The following NTM variants were observed in gnomAD, a reference collection of about 807,000 sequenced individuals.
NTM encodes the protein IgLON family member 2.
Under a neutral mutation model 42.1 loss-of-function variants are expected in NTM, and 13 were observed. That is an observed-to-expected ratio of 0.31 (90% CI 0.20 to 0.49). The LOEUF (loss-of-function observed/expected upper bound fraction) is 0.49. NTM is among the 20% of genes least tolerant of loss of function. NTM has a pLI of 0.99. For missense variants in NTM, 373 were observed against 452.8 expected (o/e 0.82, Z 1.60); for synonymous variants, 187 against 179.2 (o/e 1.04, Z -0.35).
chr11:131,989,782 A>G (rs2066707009), intron 2 of NTM, among the ~76,000 whole-genome samples: 1 of 152,066 alleles, frequency 6.6e-6, no homozygotes, highest in African/African-American at 2.4e-5. Context: ...GGACCAAAGC[A>G]TATAGGAATA....
chr11:131,765,443 A>G (rs2084945642), intron 1 of NTM, among the ~76,000 whole-genome samples: 1 of 152,092 alleles, frequency 6.6e-6, no homozygotes, highest in African/African-American at 2.4e-5. Context: ...TCTTCCTGGA[A>G]ATCTTTCTAT....
At chr11:131,408,211 G>A (rs895283717) in intron 1 of NTM, among the ~76,000 whole-genome samples, 3 of 152,094 alleles carry the variant, frequency 2.0e-5, no homozygotes, top group African/African-American at 4.8e-5. Flanking sequence ...CACCCTCCCC[G>A]GCCAAAAGAG....
intron 1 of NTM, among the ~76,000 whole-genome samples, chr11:131,826,374 C>T (rs2042126500): frequency 6.6e-6 from 1 of 151,638 alleles, no homozygotes; most frequent in African/African-American, 2.4e-5. Flanking sequence ...TGCCATGAGT[C>T]CCAGAAAAGC....
chr11:132,010,628 T>C (rs978848885), intron 2 of NTM, among the ~76,000 whole-genome samples: 2 of 151,518 alleles, frequency 1.3e-5, no homozygotes, highest in Non-Finnish European at 2.9e-5. Context: ...TTTTTTTTTT[T>C]CCTCCATTCT....
intron 1 of NTM, among the ~76,000 whole-genome samples, chr11:131,883,098 C>T (rs2049812131): frequency 6.6e-6 from 1 of 152,054 alleles, no homozygotes; most frequent in East Asian, 1.9e-4. Context: ...AGCCTCACAC[C>T]CAGAATATGA....
intron 2 of NTM, among the ~76,000 whole-genome samples, chr11:132,124,253 C>T (rs2136967846): frequency 6.6e-6 from 1 of 152,242 alleles, no homozygotes; most frequent in South Asian, 2.1e-4. Flanking sequence ...TCTCCTGTCT[C>T]CATCCCTTCC....
At chr11:132,330,581 C>G (rs1043802598) in intron 8 of NTM, among the ~76,000 whole-genome samples, 8 of 152,162 alleles carry the variant, frequency 5.3e-5, no homozygotes, top group African/African-American at 1.9e-4. Flanking sequence ...ATCTCTCTAA[C>G]TTGGAGCTGG....
At chr11:131,553,448 G>A (rs982602202) in intron 1 of NTM, among the ~76,000 whole-genome samples, 2 of 152,172 alleles carry the variant, frequency 1.3e-5, no homozygotes, top group Non-Finnish European at 2.9e-5. Flanking sequence ...CTGCATGTCT[G>A]TTCCTTCTCT....
intron 1 of NTM, among the ~76,000 whole-genome samples, chr11:131,692,617 G>A (rs938043598): frequency 6.6e-6 from 1 of 152,246 alleles, no homozygotes; most frequent in Non-Finnish European, 1.5e-5. Context: ...TGGCATCTGG[G>A]CCAAGAAATG....
intron 1 of NTM, among the ~76,000 whole-genome samples, chr11:131,436,362 C>T (rs1949134365): frequency 6.6e-6 from 1 of 152,098 alleles, no homozygotes; most frequent in Admixed American, 6.6e-5. Flanking sequence ...GGAATGGTAC[C>T]AGCTCCTTTT....
intron 1 of NTM, among the ~76,000 whole-genome samples, chr11:131,683,162 G>A (rs2134873354): frequency 6.6e-6 from 1 of 152,264 alleles, no homozygotes; most frequent in East Asian, 1.9e-4. Context: ...CCAACCAGAA[G>A]GTCTGCATGC....
At chr11:132,151,242 G>A (rs1258362571) in intron 3 of NTM, among the ~76,000 whole-genome samples, 1 of 152,194 alleles carries the variant, frequency 6.6e-6, no homozygotes, top group Non-Finnish European at 1.5e-5. Flanking sequence ...AAAACAGAGT[G>A]GATAAAACAT....
intron 1 of NTM, among the ~76,000 whole-genome samples, chr11:131,654,684 G>A (rs2066953041): frequency 6.6e-6 from 1 of 152,024 alleles, no homozygotes; most frequent in Admixed American, 6.5e-5. Context: ...GGCTCTGTTA[G>A]TTCGCCTGAG....
chr11:132,209,967 C>A (rs1206179522), intron 3 of NTM, among the ~76,000 whole-genome samples: 2 of 152,178 alleles, frequency 1.3e-5, no homozygotes, highest in Admixed American at 1.3e-4. Flanking sequence ...TCTTTATAAA[C>A]TCCCTTTTCA....
At chr11:131,658,199 T>G (rs1000110264) in intron 1 of NTM, among the ~76,000 whole-genome samples, 1 of 152,132 alleles carries the variant, frequency 6.6e-6, no homozygotes. Context: ...ACACAGAAAA[T>G]GCAGTCATCT....
At chr11:131,861,968 C>T (rs1022635609) in intron 1 of NTM, among the ~76,000 whole-genome samples, 1 of 152,164 alleles carries the variant, frequency 6.6e-6, no homozygotes, top group Admixed American at 6.5e-5. Context: ...TGTTAAACCC[C>T]AGGGGAGGCA....
chr11:132,330,515 A>G (rs2095782929), intron 8 of NTM, among the ~76,000 whole-genome samples: 1 of 152,168 alleles, frequency 6.6e-6, no homozygotes, highest in South Asian at 2.1e-4. Context: ...GCTCTAATGC[A>G]GCGATCTTCT....
At chr11:132,113,205 G>T (rs1169584076) in intron 2 of NTM, among the ~76,000 whole-genome samples, 2 of 152,220 alleles carry the variant, frequency 1.3e-5, no homozygotes, top group Non-Finnish European at 2.9e-5. Flanking sequence ...CTTCCATGCA[G>T]CCCGTGCCCA....
At chr11:132,250,912 G>C (rs778115401) in intron 4 of NTM, among the ~76,000 whole-genome samples, 6 of 151,852 alleles carry the variant, frequency 4.0e-5, no homozygotes, top group Non-Finnish European at 7.4e-5. Flanking sequence ...ATGTTTTCTT[G>C]TGTGCCTGGT....
Sources: gnomAD v4.1 joint callset for allele counts (sites outside exome capture counted in the v4.1 genomes callset) on GRCh38, gnomAD v4.1.1 for gene constraint, MANE v1.5 for transcripts, NCBI Gene and HGNC (gene_info 2026-07-23, HGNC 2026-07-21) for gene names.